The following PHTF2 variants were observed in gnomAD, a reference collection of about 807,000 sequenced individuals.
The protein encoded by PHTF2 is protein PHTF2.
In PHTF2, 60 loss-of-function variants were observed where a neutral mutation model predicts 101.2. The observed-to-expected ratio is 0.59, with a 90% confidence interval of 0.48 to 0.73. The LOEUF is 0.73. Among genes scored for constraint, PHTF2 ranks in the 30% least tolerant of loss-of-function variants. The probability of loss-of-function intolerance (pLI) is 0.00; values close to 1 mark genes in which losing one functional copy is unlikely to be tolerated. For synonymous variants in PHTF2, 311 were observed against 307.3 expected, an observed-to-expected ratio of 1.01 and a Z score of -0.13; for missense variants, 747 against 908.7, an observed-to-expected ratio of 0.82 and a Z score of 2.29.
chr7:77,889,766 G>T (rs374561029), intron 3 of PHTF2, among the ~76,000 whole-genome samples: 26 of 151,182 alleles, frequency 1.7e-4, no homozygotes, highest in Non-Finnish European at 2.2e-4. Context: ...AATTTTTTTT[G>T]TGTGTGTGTG....
At chr7:77,809,221 G>GTTTTTTTTTTTTTT (rs1793222525) in intron 1 of PHTF2, among the ~76,000 whole-genome samples, 1 of 107,342 alleles carries the variant, frequency 9.3e-6, no homozygotes, top group Non-Finnish European at 1.8e-5. Flanking sequence ...AACCCAGTTC[G>GTTTTTTTTTTTTTT]TTGTTTTTTT....
intron 1 of PHTF2, among the ~76,000 whole-genome samples, chr7:77,838,436 A>T (rs972271169): frequency 1.4e-4 from 21 of 152,366 alleles, no homozygotes; most frequent in African/African-American, 4.8e-4. Context: ...AATGTGAACA[A>T]AAACTGATTG....
At chr7:77,881,604 C>T (rs1483435854) in intron 3 of PHTF2, among the ~76,000 whole-genome samples, 14 of 151,908 alleles carry the variant, frequency 9.2e-5, no homozygotes, top group Non-Finnish European at 1.5e-5. Flanking sequence ...CTCCTAGACT[C>T]AAATAATCTG....
chr7:77,856,666 A>G (rs1005431008), intron 3 of PHTF2, among the ~76,000 whole-genome samples: 16 of 152,158 alleles, frequency 1.1e-4, no homozygotes, highest in Admixed American at 9.2e-4. Flanking sequence ...TTTTGTTTGT[A>G]CTGAGCATGT....
chr7:77,916,688 C>T (rs1443557010), intron 9 of PHTF2, among the ~76,000 whole-genome samples: 6 of 151,876 alleles, frequency 4.0e-5, no homozygotes, highest in Admixed American at 3.3e-4. Flanking sequence ...ATGCTCAAGT[C>T]TCGTGTATAA....
intron 12 of PHTF2, among the ~76,000 whole-genome samples, chr7:77,934,875 C>T (rs1437873355): frequency 1.3e-5 from 2 of 151,912 alleles, no homozygotes; most frequent in African/African-American, 2.4e-5. Context: ...ATGAGCATTG[C>T]TTGAACCCGG....
intron 3 of PHTF2, among the ~76,000 whole-genome samples, chr7:77,863,918 A>G (rs1288113863): frequency 6.6e-6 from 1 of 151,812 alleles, no homozygotes; most frequent in African/African-American, 2.4e-5. Flanking sequence ...TGGGGACTAC[A>G]GGAGTGAGCC....
intron 2 of PHTF2, among the ~76,000 whole-genome samples, chr7:77,846,817 C>CT (rs954335113): frequency 1.3e-5 from 2 of 151,856 alleles, no homozygotes; most frequent in Non-Finnish European, 1.5e-5. Flanking sequence ...AGTTTTCTTC[C>CT]TTTTTTGTAG....
At chr7:77,869,433 G>A (rs1439040693) in intron 3 of PHTF2, among the ~76,000 whole-genome samples, 1 of 152,050 alleles carries the variant, frequency 6.6e-6, no homozygotes, top group Non-Finnish European at 1.5e-5. Context: ...CCAGTCTCCT[G>A]TATTACTCTC....
At chr7:77,913,167 C>G (rs1235279918) in intron 9 of PHTF2, among the ~76,000 whole-genome samples, 1 of 151,986 alleles carries the variant, frequency 6.6e-6, no homozygotes. Context: ...GCGGGTGGAT[C>G]ACCTGAGGTC....
chr7:77,934,684 C>G (rs76747438), intron 12 of PHTF2, among the ~76,000 whole-genome samples: 4 of 152,148 alleles, frequency 2.6e-5, no homozygotes, highest in Admixed American at 2.6e-4. Flanking sequence ...GGCATGGTGG[C>G]TCACGCCTCT....
intron 3 of PHTF2, among the ~76,000 whole-genome samples, chr7:77,872,838 T>C (rs1798629545): frequency 6.6e-6 from 1 of 152,262 alleles, no homozygotes; most frequent in African/African-American, 2.4e-5. Context: ...TCCCTTCCTC[T>C]ACATTAAACC....
At chr7:77,905,583 C>T (rs1389374876) in intron 7 of PHTF2, among the ~76,000 whole-genome samples, 1 of 151,942 alleles carries the variant, frequency 6.6e-6, no homozygotes, top group Non-Finnish European at 1.5e-5. Context: ...GCTGCAGCCT[C>T]AACCTCCAAG....
chr7:77,847,708 A>G (rs1796413937), intron 2 of PHTF2, among the ~76,000 whole-genome samples: 1 of 152,204 alleles, frequency 6.6e-6, no homozygotes, highest in Non-Finnish European at 1.5e-5. Context: ...TTGTGTTCCA[A>G]ACATTCTAAT....
intron 10 of PHTF2, among the ~76,000 whole-genome samples, chr7:77,922,285 C>T (rs1436085668): frequency 6.6e-6 from 1 of 152,018 alleles, no homozygotes; most frequent in African/African-American, 2.4e-5. Context: ...CTTCAGCCTC[C>T]CAAAGTGCTG....
intron 3 of PHTF2, among the ~76,000 whole-genome samples, chr7:77,876,884 CTA>C (rs1263108715): frequency 6.6e-6 from 1 of 152,116 alleles, no homozygotes; most frequent in Non-Finnish European, 1.5e-5. Flanking sequence ...GATTTCCACT[CTA>C]TAATAATTCA....
At chr7:77,811,605 T>C (rs1238646284) in intron 1 of PHTF2, among the ~76,000 whole-genome samples, 1 of 152,236 alleles carries the variant, frequency 6.6e-6, no homozygotes, top group South Asian at 2.1e-4. Context: ...CTTATTCATA[T>C]CAGTATGGAC....
At chr7:77,924,231 T>A in intron 11 of PHTF2, 7 of 607,936 alleles carry the variant, frequency 1.2e-5, no homozygotes, top group South Asian at 7.3e-5. Flanking sequence ...TAAATTTATT[T>A]TATAAATTAC....
intron 2 of PHTF2, among the ~76,000 whole-genome samples, chr7:77,845,768 C>A (rs1796228971): frequency 6.6e-6 from 1 of 152,178 alleles, no homozygotes; most frequent in Non-Finnish European, 1.5e-5. Context: ...AACTCCAAAA[C>A]CATGTGCAGT....
Sources: gnomAD v4.1 joint callset for allele counts (sites outside exome capture counted in the v4.1 genomes callset) on GRCh38, gnomAD v4.1.1 for gene constraint, MANE v1.5 for transcripts, NCBI Gene and HGNC (gene_info 2026-07-23, HGNC 2026-07-21) for gene names.